Variants in KBTBD13 observed in about 807,000 individuals in gnomAD.
The protein encoded by KBTBD13 is kelch repeat and BTB domain containing 13.
KBTBD13 carries 32 observed loss-of-function variants against 25.4 expected under a neutral mutation model. The observed-to-expected ratio is 1.26, with a 90% CI of 0.95 to 1.69. The LOEUF is 1.69. Among genes scored for constraint, KBTBD13 ranks in the 40% most tolerant of loss-of-function variants. KBTBD13 has a pLI of 0.00. For synonymous variants in KBTBD13, 436 were observed against 329.8 expected (o/e 1.32, Z -3.49); for missense variants, 898 against 679.5 (o/e 1.32, Z -3.57).
In KBTBD13 at chr15:65,078,968, C is replaced by T. The variant is rs562081100; in HGVS notation, c.*776C>T. On this transcript the variant is annotated 3_prime_UTR_variant, in exon 1 of 1. Coordinates refer to ENST00000432196, the MANE Select transcript of KBTBD13 (RefSeq NM_001101362.3). ...TGCAAGTCCAGCCATACCAGCAGAG[C>T]AGCAGTAGTTGGGGCATCTAGAGAG... 3.9e-5 allele frequency among the ~76,000 whole-genome samples: 6 copies of T among 152,266 alleles called. No homozygotes were observed. Among genetic ancestry groups the T allele is most frequent in the African/African-American group, 1.4e-4 (6 of 41,548 alleles).
rs918411795 is a variant in KBTBD13 at position 65,079,452 on chromosome 15, G to A, written c.*1260G>A. On this transcript the variant is annotated 3_prime_UTR_variant, in exon 1 of 1. Transcript: ENST00000432196. The stretch of plus-strand genomic sequence containing the variant: ...ATTGTGTGTGCACAACCACGTGTGT[G>A]GATTGTAAGGGCAGAGATCCTGTTA... Among the ~76,000 whole-genome samples, 11 of 152,176 alleles carry A rather than the reference G, an allele frequency of 7.2e-5. No homozygotes were observed. The highest frequency in any genetic ancestry group is 2.7e-4 in the African/African-American group (11 of 41,428).
Position 65,077,222 on chromosome 15 carries a change from TG to T in KBTBD13, c.409del (p.Ala137ArgfsTer24), listed in dbSNP as rs1328839280. Reference protein sequence around the residue: ...ALFICDGERELAAELALPEAR... With the variant: ...ALFICDGEREXAAELALPEAR... ...TTCATCTGCGACGGCGAGCGCGAGC[TG>T]GCGGCCGAACTGGCGCTGCCTGAGG... is the stretch of plus-strand genomic sequence containing the variant. On this transcript the variant is annotated frameshift_variant, in exon 1 of 1. Transcript: ENST00000432196. LOFTEE classifies it high-confidence loss of function. 5.5e-6 allele frequency: 8 copies of T among 1,444,234 alleles called. No individual in the cohort carries two copies. Among genetic ancestry groups the T allele is most frequent in the Non-Finnish European group, 7.3e-6 (8 of 1,100,204 alleles). 89.5% of individuals were successfully genotyped at this position (1,444,234 alleles called of 1,614,324 possible).
chr15:65,076,746 A>T lies in KBTBD13; in HGVS notation c.-70A>T, dbSNP rs2086973659. 7.0e-7 allele frequency: 1 copy of T among 1,421,852 alleles called. No individual in the cohort carries two copies. The allele number at this position is 1,421,852 out of a possible 1,614,324, so 88.1% of individuals were successfully genotyped here. A position where few individuals can be genotyped will look rare whatever the true frequency, so the allele number is the denominator to read the frequency against. ...AGCCCCCAGGGAAGTTTTTTGCTCC[A>T]GGGGAGCCCCAGAGTTGGTGGCTGG... On this transcript the variant is annotated 5_prime_UTR_variant, in exon 1 of 1. Transcript: ENST00000432196.
At position 65,079,012 on chromosome 15, in the gene KBTBD13, C is replaced by T. The variant is rs1012333373; in HGVS notation, c.*820C>T. Among the ~76,000 whole-genome samples the T allele has an allele frequency of 6.6e-6, 1 of 152,184 alleles. No homozygotes were observed. Among genetic ancestry groups the T allele is most frequent in the Admixed American group, 6.5e-5 (1 of 15,278 alleles). Reference sequence around the variant, plus strand: ...TAGAGAGGGGATGAGACTGGGCCAGCTTGCAGCAGATAATGACTGAGCTGA... The same window carrying T: ...TAGAGAGGGGATGAGACTGGGCCAGTTTGCAGCAGATAATGACTGAGCTGA... On this transcript the variant is annotated 3_prime_UTR_variant, in exon 1 of 1. Transcript: ENST00000432196.
chr15:65,077,009 T>A lies in KBTBD13; in HGVS notation c.194T>A (p.Leu65Gln), dbSNP rs762135081. 6.6e-7 allele frequency: 1 copy of A among 1,516,092 alleles called. No homozygotes were observed. The highest frequency in any genetic ancestry group is 2.0e-4 in the Middle Eastern group (1 of 5,126). The allele number at this position is 1,516,092 out of a possible 1,614,324, so 93.9% of individuals were successfully genotyped here. Residue 65 changes from leucine (L) to glutamine (Q), a missense_variant, in exon 1 of 1, where the codon CTG becomes CAG. By Grantham distance (113) the Leu-to-Gln change is moderately radical. Transcript: ENST00000432196. The stretch of plus-strand genomic sequence containing the variant: ...GGTTTCCGCGCCACGCTGCAGGTGC[T>A]GCGCGGCGACCGGCCGGCGCTGGCG... ...AGGFRATLQV[L>Q]RGDRPALAAE...
At position 65,076,764 on chromosome 15, in the gene KBTBD13, G is replaced by T; in HGVS notation, c.-52G>T. On this transcript the variant is annotated 5_prime_UTR_variant, in exon 1 of 1. Coordinates refer to ENST00000432196, the MANE Select transcript of KBTBD13 (RefSeq NM_001101362.3). ...TTGCTCCAGGGGAGCCCCAGAGTTG[G>T]TGGCTGGCTAACCCAAGGCCCCAGC... The T allele has an allele frequency of 6.8e-7, 1 of 1,463,374 alleles. No homozygotes were observed. Among genetic ancestry groups the T allele is most frequent in the Admixed American group, 2.4e-5 (1 of 42,278 alleles). 90.6% of individuals were successfully genotyped at this position (1,463,374 alleles called of 1,614,324 possible).
In KBTBD13 at chr15:65,077,948, A is replaced by G. The variant is rs769042275; in HGVS notation, c.1133A>G (p.Gln378Arg). The change falls in exon 1 of 1, where the codon CAG (glutamine) becomes CGG (arginine). Residue 378 changes from glutamine to arginine, a missense_variant. Transcript: ENST00000432196. ...AIDCLNLATG[Q>R]WTALPGQFVN... The stretch of plus-strand genomic sequence containing the variant: ...GACTGTCTCAACCTGGCCACGGGCC[A>G]GTGGACGGCGCTGCCCGGCCAGTTC... The G allele has an allele frequency of 3.1e-6, 5 of 1,611,560 alleles. No individual in the cohort carries two copies. Among genetic ancestry groups the G allele is most frequent in the Admixed American group, 3.3e-5 (2 of 60,004 alleles).
rs550537101 is a variant in KBTBD13 at position 65,077,029 on chromosome 15, C to G, written c.214C>G (p.Leu72Val). Residue 72 changes from leucine to valine, a missense_variant, in exon 1 of 1, where the codon CTG (leucine) becomes GTG (valine). Transcript: ENST00000432196. ...GGTGCTGCGCGGCGACCGGCCGGCG[C>G]TGGCGGCGGAGGACGAGCTGCTGCA... ...LQVLRGDRPALAAEDELLQAV... is the reference protein window; with the variant it reads ...LQVLRGDRPAVAAEDELLQAV... The G allele has an allele frequency of 6.7e-7, 1 of 1,499,150 alleles. No individual in the cohort carries two copies. The highest frequency in any genetic ancestry group is 8.9e-7 in the Non-Finnish European group (1 of 1,127,128). The allele number at this position is 1,499,150 out of a possible 1,614,324, so 92.9% of individuals were successfully genotyped here.
rs371522333 is a variant in KBTBD13 at position 65,076,944 on chromosome 15, C to G, written c.129C>G (p.Thr43=). 5.1e-6 allele frequency: 8 copies of G among 1,555,190 alleles called. No individual in the cohort carries two copies. The African/African-American group carries it at 1.1e-4, about 21-fold the overall frequency. The change falls in exon 1 of 1, where the codon ACC becomes ACG. Residue 43 remains threonine (T), a synonymous_variant. Coordinates refer to ENST00000432196, the MANE Select transcript of KBTBD13 (RefSeq NM_001101362.3). The part of the protein sequence containing the change: ...RGLFRSGMRE[T]RAAEVRLGVL... Reference sequence around the variant, plus strand: ...TCTTCCGCTCCGGCATGCGGGAGACCCGCGCAGCAGAGGTGCGCCTGGGCG... The same window carrying G: ...TCTTCCGCTCCGGCATGCGGGAGACGCGCGCAGCAGAGGTGCGCCTGGGCG...
In KBTBD13 at chr15:65,077,700, C is replaced by T. The variant is rs756141986; in HGVS notation, c.885C>T (p.Ala295=). The T allele has an allele frequency of 2.5e-6, 4 of 1,577,958 alleles. No individual in the cohort carries two copies. The highest frequency in any genetic ancestry group is 1.8e-5 in the Admixed American group (1 of 56,534). The change falls in exon 1 of 1, where the codon GCC becomes GCT. Residue 295 remains alanine (A), a synonymous_variant. Transcript: ENST00000432196. The part of the protein sequence containing the change: ...WSFVADLPQP[A]AGVPCAQACG... ...TCGTGGCCGACCTGCCGCAGCCGGCCGCCGGCGTGCCCTGCGCCCAGGCTT... is the reference window on the plus strand; with the variant it reads ...TCGTGGCCGACCTGCCGCAGCCGGCTGCCGGCGTGCCCTGCGCCCAGGCTT...
rs2086982968 is a variant in KBTBD13, at chr15:65,077,114, A to G, written c.299A>G (p.Asn100Ser). The G allele has an allele frequency of 5.9e-6, 9 of 1,522,874 alleles. No individual in the cohort carries two copies. The highest frequency in any genetic ancestry group is 1.2e-5 in the South Asian group (1 of 82,586). 94.3% of individuals were successfully genotyped at this position (1,522,874 alleles called of 1,614,324 possible). ...APALARFLEH[N>S]LTSDNCALLC... ...GCGCTGGCTCGCTTTCTGGAGCACA[A>G]CCTCACGTCGGACAACTGCGCATTG... is the stretch of plus-strand genomic sequence containing the variant. Residue 100 changes from asparagine (N) to serine (S), a missense_variant, in exon 1 of 1, where the codon AAC (asparagine) becomes AGC (serine). Coordinates refer to ENST00000432196, the MANE Select transcript of KBTBD13 (RefSeq NM_001101362.3).
At position 65,079,038 on chromosome 15, in the gene KBTBD13, G is replaced by C. The variant is rs17804968; in HGVS notation, c.*846G>C. Among the ~76,000 whole-genome samples, 14 of 152,186 alleles carry C rather than the reference G, an allele frequency of 9.2e-5. No individual in the cohort carries two copies. The highest frequency in any genetic ancestry group is 3.3e-4 in the Admixed American group (5 of 15,280). On this transcript the variant is annotated 3_prime_UTR_variant, in exon 1 of 1. Coordinates refer to ENST00000432196, the MANE Select transcript of KBTBD13 (RefSeq NM_001101362.3). ...TTGCAGCAGATAATGACTGAGCTGA[G>C]CCTGGAGTGAGACCTGTGGGGGCGA... is the stretch of plus-strand genomic sequence containing the variant.
At position 65,078,292 on chromosome 15, in the gene KBTBD13, C is replaced by T. The variant is rs1319236675; in HGVS notation, c.*100C>T. The T allele has an allele frequency of 5.5e-6, 8 of 1,444,922 alleles. No individual in the cohort carries two copies. In the South Asian group the frequency reaches 7.1e-5, roughly 13 times the overall value. 89.5% of individuals were successfully genotyped at this position (1,444,922 alleles called of 1,614,324 possible). On this transcript the variant is annotated 3_prime_UTR_variant, in exon 1 of 1. Coordinates refer to ENST00000432196, the MANE Select transcript of KBTBD13 (RefSeq NM_001101362.3). ...CTTAGAAGTAGCTGGCAACTTCCCTCTTTCTACTGAGACACCCAGGTTTGG... is the reference window on the plus strand; with the variant it reads ...CTTAGAAGTAGCTGGCAACTTCCCTTTTTCTACTGAGACACCCAGGTTTGG...
chr15:65,079,154 G>C lies in KBTBD13; in HGVS notation c.*962G>C, dbSNP rs1303718054. Among the ~76,000 whole-genome samples, 1 of 152,216 alleles carries C rather than the reference G, an allele frequency of 6.6e-6. No individual in the cohort carries two copies. Among genetic ancestry groups the C allele is most frequent in the Non-Finnish European group, 1.5e-5 (1 of 68,034 alleles). ...CTGTTTTTGCCATCACCACGGGGCA[G>C]TGGACTGTTAACCCACATGACTTCA... On this transcript the variant is annotated 3_prime_UTR_variant, in exon 1 of 1. Coordinates refer to ENST00000432196, the MANE Select transcript of KBTBD13 (RefSeq NM_001101362.3).
chr15:65,077,762 A>G lies in KBTBD13; in HGVS notation c.947A>G (p.Asp316Gly). The change falls in exon 1 of 1, where the codon GAC (aspartate) becomes GGC (glycine). Residue 316 changes from aspartate to glycine, a missense_variant. Transcript: ENST00000432196. ...RLFVCLWRPA[D>G]TTAVVEYAVR... ...TTCGTGTGCCTGTGGCGGCCGGCCG[A>G]CACCACCGCCGTGGTGGAGTACGCA... is the stretch of plus-strand genomic sequence containing the variant. 4 of 1,577,720 alleles carry G rather than the reference A, an allele frequency of 2.5e-6. No homozygotes were observed. The highest frequency in any genetic ancestry group is 2.3e-5 in the East Asian group (1 of 42,934).
Position 65,077,791 on chromosome 15 carries a change from C to T in KBTBD13, c.976C>T (p.Arg326Trp), listed in dbSNP as rs901831791. ...CACCGCCGTGGTGGAGTACGCAGTG[C>T]GGACCGACGCGTGGCTGCCAGTGGC... ...DTTAVVEYAV[R>W]TDAWLPVAEL... Residue 326 changes from arginine (R) to tryptophan (W), a missense_variant, in exon 1 of 1, where the codon CGG becomes TGG. By Grantham distance (101) the Arg-to-Trp change is moderately radical (BLOSUM62 -3). Transcript: ENST00000432196. 2.5e-6 allele frequency: 4 copies of T among 1,590,400 alleles called. No individual in the cohort carries two copies. The highest frequency in any genetic ancestry group is 1.7e-5 in the Admixed American group (1 of 57,540).
chr15:65,077,943 G>A lies in KBTBD13; in HGVS notation c.1128G>A (p.Thr376=), dbSNP rs116623596. 4,935 of 1,611,796 alleles carry A rather than the reference G, an allele frequency of 3.1e-3. 148 individuals are homozygous for A. In the African/African-American group the frequency reaches 0.058, roughly 19 times the overall value. ...CCATCGACTGTCTCAACCTGGCCAC[G>A]GGCCAGTGGACGGCGCTGCCCGGCC... ...HCAIDCLNLA[T]GQWTALPGQF... is the part of the protein sequence containing the mutation. Residue 376 remains threonine (T), a synonymous_variant, in exon 1 of 1, where the codon ACG becomes ACA. Coordinates refer to ENST00000432196, the MANE Select transcript of KBTBD13 (RefSeq NM_001101362.3).
At position 65,077,425 on chromosome 15, in the gene KBTBD13, G is replaced by A. The variant is rs1334100611; in HGVS notation, c.610G>A (p.Val204Met). 2 of 1,528,180 alleles carry A rather than the reference G, an allele frequency of 1.3e-6. No individual in the cohort carries two copies. The highest frequency in any genetic ancestry group is 1.2e-5 in the South Asian group (1 of 83,678). 94.7% of individuals were successfully genotyped at this position (1,528,180 alleles called of 1,614,324 possible). Residue 204 changes from valine to methionine, a missense_variant, in exon 1 of 1, where the codon GTG (valine) becomes ATG (methionine). Coordinates refer to ENST00000432196, the MANE Select transcript of KBTBD13 (RefSeq NM_001101362.3). ...PLEASTLLAG[V>M]ATLGNKLYIV... ...GGAGGCCAGCACGTTGCTGGCCGGG[G>A]TGGCCACGCTGGGCAACAAGCTTTA... is the stretch of plus-strand genomic sequence containing the variant.
chr15:65,076,925 G>A lies in KBTBD13; in HGVS notation c.110G>A (p.Arg37His), dbSNP rs201775551. 7 of 1,558,138 alleles carry A rather than the reference G, an allele frequency of 4.5e-6. No individual in the cohort carries two copies. Among genetic ancestry groups the A allele is most frequent in the East Asian group, 2.4e-5 (1 of 42,432 alleles). ...TGTGGCTTCTTCCGAGGCCTCTTCC[G>A]CTCCGGCATGCGGGAGACCCGCGCA... The part of the protein sequence containing the change: ...EHCGFFRGLF[R>H]SGMRETRAAE... The change falls in exon 1 of 1, where the codon CGC becomes CAC. Residue 37 changes from arginine to histidine, a missense_variant. By Grantham distance (29) the Arg-to-His change is conservative. Coordinates refer to ENST00000432196, the MANE Select transcript of KBTBD13 (RefSeq NM_001101362.3).
Sources: allele counts gnomAD v4.1 joint callset (sites outside exome capture counted in the v4.1 genomes callset), GRCh38; gene constraint gnomAD v4.1.1; transcripts MANE v1.5; gene names NCBI Gene and HGNC (gene_info 2026-07-23, HGNC 2026-07-21).